The following ATP8A2 variants were observed in gnomAD, a reference collection of about 807,000 sequenced individuals.
ATP8A2 encodes phospholipid-transporting ATPase IB.
Under a neutral mutation model 165.6 loss-of-function variants are expected in ATP8A2, and 100 were observed. The observed-to-expected ratio is 0.60, with a 90% confidence interval of 0.51 to 0.71. ATP8A2 has a LOEUF of 0.71. Ranked by LOEUF, ATP8A2 falls within the 30% of genes least tolerant of loss-of-function variation. The pLI is 0.00. For missense variants in ATP8A2, 1,227 were observed against 1,479.5 expected (o/e 0.83, Z 2.80); for synonymous variants, 543 against 548.8 (o/e 0.99, Z 0.15).
intron 25 of ATP8A2, among the ~76,000 whole-genome samples, chr13:25,734,447 T>G (rs572082158): frequency 6.6e-6 from 1 of 152,350 alleles, no homozygotes; most frequent in Non-Finnish European, 1.5e-5. Flanking sequence ...TTATCTCTTT[T>G]CAACTGATAT....
intron 31 of ATP8A2, among the ~76,000 whole-genome samples, chr13:25,860,526 A>G (rs2138756251): frequency 1.3e-5 from 2 of 152,350 alleles, no homozygotes; most frequent in South Asian, 4.1e-4. Context: ...AAAGGAAAAC[A>G]ACACTCAGGA....
intron 35 of ATP8A2, among the ~76,000 whole-genome samples, chr13:26,004,352 T>C (rs948965531): frequency 6.6e-6 from 1 of 152,154 alleles, no homozygotes; most frequent in African/African-American, 2.4e-5. Context: ...CATTTCTGTA[T>C]GTTGATCTTG....
chr13:25,528,754 TACATATGCAACATGTGTATGCAC>T (rs1566224559), intron 2 of ATP8A2, among the ~76,000 whole-genome samples: 270 of 140,148 alleles, frequency 1.9e-3, no homozygotes, highest in Admixed American at 0.015. Flanking sequence ...TGTGTATGCA[TACATATGCAACATGTGTATGCAC>T]ACATATGCAA....
intron 24 of ATP8A2, among the ~76,000 whole-genome samples, chr13:25,644,248 T>C (rs1286965040): frequency 6.6e-6 from 1 of 152,166 alleles, no homozygotes; most frequent in Non-Finnish European, 1.5e-5. Context: ...GCAGAATTGC[T>C]CTGGCAAGGA....
At chr13:25,876,988 T>C (rs1366354594) in intron 33 of ATP8A2, among the ~76,000 whole-genome samples, 1 of 152,128 alleles carries the variant, frequency 6.6e-6, no homozygotes, top group African/African-American at 2.4e-5. Context: ...GAAGCAACTT[T>C]AAATAATTAA....
intron 2 of ATP8A2, among the ~76,000 whole-genome samples, chr13:25,519,258 C>T (rs1566212786): frequency 6.6e-6 from 1 of 152,212 alleles, no homozygotes; most frequent in African/African-American, 2.4e-5. Flanking sequence ...CTTCCCTCGC[C>T]ACTCTGTTGA....
chr13:25,855,616 A>G (rs1239065150), intron 30 of ATP8A2, among the ~76,000 whole-genome samples: 1 of 152,226 alleles, frequency 6.6e-6, no homozygotes, highest in Non-Finnish European at 1.5e-5. Flanking sequence ...TAATGGTGCT[A>G]TAGCTTTTAA....
chr13:25,786,514 C>T (rs528384226), intron 27 of ATP8A2, among the ~76,000 whole-genome samples: 18 of 152,212 alleles, frequency 1.2e-4, no homozygotes, highest in African/African-American at 3.4e-4. Context: ...TATTTTTATT[C>T]GTTTAATTAA....
intron 35 of ATP8A2, among the ~76,000 whole-genome samples, chr13:26,011,692 G>C (rs1246672683): frequency 6.6e-6 from 1 of 152,152 alleles, no homozygotes; most frequent in East Asian, 1.9e-4. Flanking sequence ...CTAGCACTTT[G>C]GGAGGCCGAG....
At chr13:25,770,297 G>T (rs2044591793) in intron 26 of ATP8A2, among the ~76,000 whole-genome samples, 1 of 152,010 alleles carries the variant, frequency 6.6e-6, no homozygotes, top group African/African-American at 2.4e-5. Context: ...CCTAAGATCA[G>T]TGCTTGAGAT....
intron 25 of ATP8A2, among the ~76,000 whole-genome samples, chr13:25,757,354 C>A (rs2044284976): frequency 6.6e-6 from 1 of 152,206 alleles, no homozygotes; most frequent in South Asian, 2.1e-4. Context: ...ACCTAGCATG[C>A]ACTTGCCACT....
At chr13:25,946,059 G>T (rs907963299) in intron 33 of ATP8A2, among the ~76,000 whole-genome samples, 2 of 152,164 alleles carry the variant, frequency 1.3e-5, no homozygotes, top group African/African-American at 4.8e-5. Context: ...GCCCTGTGAG[G>T]CAGTCTTGAT....
intron 25 of ATP8A2, among the ~76,000 whole-genome samples, chr13:25,747,991 A>G (rs965813021): frequency 6.6e-6 from 1 of 152,228 alleles, no homozygotes; most frequent in African/African-American, 2.4e-5. Context: ...ATCATTCAGA[A>G]AATCTATAAG....
At chr13:25,911,920 G>T (rs1954117203) in intron 33 of ATP8A2, among the ~76,000 whole-genome samples, 1 of 152,146 alleles carries the variant, frequency 6.6e-6, no homozygotes, top group South Asian at 2.1e-4. Flanking sequence ...CTGTAGTTTG[G>T]AATGTGAATT....
At chr13:25,771,636 G>T (rs932133651) in intron 26 of ATP8A2, among the ~76,000 whole-genome samples, 1 of 152,144 alleles carries the variant, frequency 6.6e-6, no homozygotes, top group Non-Finnish European at 1.5e-5. Context: ...AACGCCATTG[G>T]GGGTTTTCTT....
At chr13:25,782,464 C>T (rs1401267287) in intron 27 of ATP8A2, among the ~76,000 whole-genome samples, 1 of 152,188 alleles carries the variant, frequency 6.6e-6, no homozygotes, top group East Asian at 1.9e-4. Flanking sequence ...GGTACTGGGA[C>T]ATGCTGCACA....
intron 10 of ATP8A2, among the ~76,000 whole-genome samples, chr13:25,550,796 C>G (rs1242055753): frequency 6.6e-6 from 1 of 152,166 alleles, no homozygotes; most frequent in Non-Finnish European, 1.5e-5. Flanking sequence ...TTTTGAAACC[C>G]TCTAATGTTC....
At chr13:25,870,894 C>T (rs1378963255) in intron 33 of ATP8A2, among the ~76,000 whole-genome samples, 1 of 152,226 alleles carries the variant, frequency 6.6e-6, no homozygotes, top group African/African-American at 2.4e-5. Context: ...GAGCTGCAAT[C>T]TTCTGTCCAC....
intron 24 of ATP8A2, among the ~76,000 whole-genome samples, chr13:25,625,475 A>G (rs1222061204): frequency 6.6e-6 from 1 of 152,206 alleles, no homozygotes; most frequent in Non-Finnish European, 1.5e-5. Context: ...TTAAAAATAC[A>G]CAGGCCTCAG....
Sources: gnomAD v4.1 joint callset for allele counts (sites outside exome capture counted in the v4.1 genomes callset) on GRCh38, gnomAD v4.1.1 for gene constraint, MANE v1.5 for transcripts, NCBI Gene and HGNC (gene_info 2026-07-23, HGNC 2026-07-21) for gene names.